Variants in PRSS3 observed in about 807,000 individuals in gnomAD.
PRSS3 encodes trypsin-3.
In PRSS3, 14 loss-of-function variants were observed where a neutral mutation model predicts 20.8. The ratio of observed to expected loss-of-function variants is 0.67; its 90% CI spans 0.44 to 1.05. The LOEUF is 1.05. Ranked by LOEUF, PRSS3 falls within the 50% of genes least tolerant of loss-of-function variation. The pLI is 0.00. For missense variants in PRSS3, 237 were observed against 306.4 expected (o/e 0.77, Z 1.69); for synonymous variants, 91 against 117.6 (o/e 0.77, Z 1.46).
chr9:33,782,327 T>C (rs956848904), intron 1 of PRSS3, among the ~76,000 whole-genome samples: 2 of 152,226 alleles, frequency 1.3e-5, no homozygotes, highest in Non-Finnish European at 2.9e-5. Context: ...AATTAAAGAC[T>C]TAACTCTTTC....
At chr9:33,794,814 G>A, upstream of PRSS3, 1 of 1,464,818 alleles carries the variant, frequency 6.8e-7, no homozygotes, top group Non-Finnish European at 9.1e-7. Flanking sequence ...GAGACAAGTG[G>A]CTTCACATTG....
chr9:33,772,161 C>G (rs571642543), intron 1 of PRSS3, among the ~76,000 whole-genome samples: 7 of 151,998 alleles, frequency 4.6e-5, no homozygotes, highest in African/African-American at 1.7e-4. Flanking sequence ...CGTAAGCCAC[C>G]GCGCGCAGCC....
At chr9:33,758,492 C>G (rs945447276) in intron 1 of PRSS3, among the ~76,000 whole-genome samples, 8 of 152,214 alleles carry the variant, frequency 5.3e-5, no homozygotes, top group African/African-American at 1.9e-4. Context: ...GACCTGGAGA[C>G]TTGGCTGAGA....
intron 1 of PRSS3, among the ~76,000 whole-genome samples, chr9:33,775,602 C>T (rs1286743057): frequency 6.6e-6 from 1 of 151,988 alleles, no homozygotes; most frequent in Non-Finnish European, 1.5e-5. Flanking sequence ...CCTGAGAGAG[C>T]CCAGCAAAAA....
chr9:33,795,492 A>C, upstream of PRSS3: 13 of 1,568,006 alleles, frequency 8.3e-6, no homozygotes, highest in Non-Finnish European at 1.1e-5. Context: ...TGTGACCCTC[A>C]CCTCACAGAC....
intron 1 of PRSS3, among the ~76,000 whole-genome samples, chr9:33,759,271 C>G (rs1480414772): frequency 6.6e-6 from 1 of 152,072 alleles, no homozygotes; most frequent in Non-Finnish European, 1.5e-5. Flanking sequence ...GGAACATTTT[C>G]CATCCTCCAG....
intron 1 of PRSS3, among the ~76,000 whole-genome samples, chr9:33,775,153 C>A (rs765216348): frequency 6.6e-6 from 1 of 151,226 alleles, no homozygotes; most frequent in South Asian, 2.1e-4. Flanking sequence ...TGGAAATTGA[C>A]AAAATGCAGG....
In PRSS3 at chr9:33,750,732, G is replaced by C. The variant is rs763607095; in HGVS notation, c.-53+5G>C. The C allele has an allele frequency of 4.7e-5, 67 of 1,435,390 alleles. No homozygotes were observed. The highest frequency in any genetic ancestry group is 5.5e-5 in the Non-Finnish European group (61 of 1,099,494). 88.9% of individuals were successfully genotyped at this position (1,435,390 alleles called of 1,614,324 possible). A position where few individuals can be genotyped will look rare whatever the true frequency, so the allele number is the denominator to read the frequency against. On this transcript the variant is annotated splice_donor_5th_base_variant and intron_variant, in intron 1 of 5. Transcript: ENST00000342836. This position sits in a 1 kb window ranked among gnomAD's most constrained non-coding sequence, Gnocchi z 4.8. ...GCTGCGAGGCGCTGGGCACAGGTCA[G>C]ACGTCAGTACCCGCAGGGGGCTTGA...
At chr9:33,753,704 A>T (rs1301046285) in intron 1 of PRSS3, among the ~76,000 whole-genome samples, 1 of 152,248 alleles carries the variant, frequency 6.6e-6, no homozygotes, top group Non-Finnish European at 1.5e-5. Context: ...CAGTGCCCAT[A>T]GCAGGCATAC....
chr9:33,760,269 A>C (rs1472309298), intron 1 of PRSS3, among the ~76,000 whole-genome samples: 3 of 151,642 alleles, frequency 2.0e-5, no homozygotes, highest in Non-Finnish European at 4.4e-5. Context: ...CTGAGGTGGC[A>C]ACTGGTAACT....
intron 4 of PRSS3, 94 bp downstream of exon 4, chr9:33,798,716 G>A (rs1218450611): frequency 5.4e-5 from 84 of 1,559,122 alleles, no homozygotes; most frequent in Middle Eastern, 1.7e-4. Flanking sequence ...GGGCTGAGGC[G>A]GCTCCCTGCA....
At chr9:33,760,459 T>C (rs1270464082) in intron 1 of PRSS3, among the ~76,000 whole-genome samples, 1 of 152,186 alleles carries the variant, frequency 6.6e-6, no homozygotes, top group Non-Finnish European at 1.5e-5. Flanking sequence ...ATTTAACAAA[T>C]AAAGAGGCCG....
chr9:33,753,223 A>T (rs1822777107), intron 1 of PRSS3, among the ~76,000 whole-genome samples: 1 of 152,210 alleles, frequency 6.6e-6, no homozygotes. Context: ...AACTGTCAGA[A>T]TCTAAATTTA....
In PRSS3 at chr9:33,785,991, G is replaced by A. The variant is rs1338256509; in HGVS notation, c.-52-8755G>A. ...CAGATGGAAAAGTAATGGGAGAACGGTGGTAAGTGGCCGGTGCATGCTGCA... is the reference window on the plus strand; with the variant it reads ...CAGATGGAAAAGTAATGGGAGAACGATGGTAAGTGGCCGGTGCATGCTGCA... On this transcript the variant is annotated intron_variant, in intron 1 of 5. Coordinates refer to the PRSS3 transcript ENST00000342836. 6 of 217,488 alleles carry A rather than the reference G, an allele frequency of 2.8e-5. No homozygotes were observed. In the East Asian group the frequency reaches 5.6e-4, roughly 20 times the overall value. The allele number at this position is 217,488 out of a possible 1,614,324, so 13.5% of individuals were successfully genotyped here.
Position 33,757,827 on chromosome 9 carries a change from C to T in PRSS3, c.-53+7100C>T, listed in dbSNP as rs780437860. ...CTTGCTATTTCCTCTGTTTCTCTTACGTCTTTTTATGTCACCACCTCTTGG... is the reference window on the plus strand; with the variant it reads ...CTTGCTATTTCCTCTGTTTCTCTTATGTCTTTTTATGTCACCACCTCTTGG... On this transcript the variant is annotated intron_variant, in intron 1 of 5. Coordinates refer to the PRSS3 transcript ENST00000342836. 3.3e-5 allele frequency among the ~76,000 whole-genome samples: 5 copies of T among 152,270 alleles called. No homozygotes were observed. In the South Asian group the frequency reaches 6.2e-4, roughly 19 times the overall value.
At position 33,799,029 on chromosome 9, in the gene PRSS3, G is replaced by T; in HGVS notation, c.593G>T (p.Arg198Leu). ...FLEGGKDSCQ[R>L]DSGGPVVCNG... ...CAACTTGTCCCTTCTTCTCCCCAGCGTGACTCTGGTGGCCCTGTGGTCTGC... is the reference window on the plus strand; with the variant it reads ...CAACTTGTCCCTTCTTCTCCCCAGCTTGACTCTGGTGGCCCTGTGGTCTGC... The change falls in exon 5 of 5, where the codon CGT (arginine) becomes CTT (leucine). Residue 198 changes from arginine (R) to leucine (L), a missense_variant and splice_region_variant. Physicochemically the swap from Arg to Leu is moderately radical, Grantham distance 102. Coordinates refer to ENST00000379405, the MANE Select transcript of PRSS3 (RefSeq NM_002771.4). 6.2e-7 allele frequency: 1 copy of T among 1,614,046 alleles called. No individual in the cohort carries two copies. Among genetic ancestry groups the T allele is most frequent in the South Asian group, 1.1e-5 (1 of 91,076 alleles).
intron 1 of PRSS3, among the ~76,000 whole-genome samples, chr9:33,772,648 CT>C (rs1489657692): frequency 6.6e-6 from 1 of 152,124 alleles, no homozygotes; most frequent in African/African-American, 2.4e-5. Context: ...TCTAGGACAG[CT>C]GGGATACCTC....
intron 1 of PRSS3, among the ~76,000 whole-genome samples, chr9:33,763,519 G>A (rs1436695801): frequency 6.6e-6 from 1 of 152,024 alleles, no homozygotes; most frequent in African/African-American, 2.4e-5. Context: ...CTAACACGGT[G>A]AAACCCCGTC....
At chr9:33,787,597 C>T (rs1824464016) in intron 1 of PRSS3, among the ~76,000 whole-genome samples, 1 of 152,122 alleles carries the variant, frequency 6.6e-6, no homozygotes. Context: ...AAAGCTGGGG[C>T]CAGGGAAAGA....
Sources: gnomAD v4.1 joint callset for allele counts (sites outside exome capture counted in the v4.1 genomes callset) on GRCh38, gnomAD v4.1.1 for gene constraint, Gnocchi (gnomAD v3.1) non-coding constraint, MANE v1.5 for transcripts, NCBI Gene and HGNC (gene_info 2026-07-23, HGNC 2026-07-21) for gene names.